The following COL23A1 variants were observed in gnomAD, a reference collection of about 807,000 sequenced individuals.
COL23A1 encodes collagen alpha-1(XXIII) chain.
COL23A1 carries 97 observed loss-of-function variants against 99.3 expected under a neutral mutation model. The ratio of observed to expected loss-of-function variants is 0.98; its 90% CI spans 0.83 to 1.16. The LOEUF is 1.16. Among genes scored for constraint, COL23A1 ranks in the 50% most tolerant of loss-of-function variants. The pLI, the probability that COL23A1 is intolerant of heterozygous loss-of-function variation, is 0.00. For missense variants in COL23A1, 762 were observed against 757.4 expected (o/e 1.01, Z -0.07); for synonymous variants, 320 against 308.2 (o/e 1.04, Z -0.40).
chr5:178,262,349 C>A (rs115296711), intron 9 of COL23A1, 97 bp from the exon 10 acceptor site: 20,048 of 1,166,848 alleles, frequency 0.017, 266 homozygotes, highest in East Asian at 0.042. Flanking sequence ...GCTCTAAGTA[C>A]ATTATCTTAT....
intron 2 of COL23A1, among the ~76,000 whole-genome samples, chr5:178,320,976 T>C (rs1442221301): frequency 2.0e-5 from 3 of 152,208 alleles, no homozygotes; most frequent in African/African-American, 7.2e-5. Context: ...GTCCTTGCCC[T>C]GAGAGGGCAG....
rs77282168 is a variant in COL23A1, at chr5:178,287,836, G to A, written c.441+488C>T. ...CTGCTGACGTGGTGCTCACTTGGCC[G>A]GGGCTAGGACATCTATCCCAGGAAT... is the stretch of plus-strand genomic sequence containing the variant. On this transcript the variant is annotated intron_variant, in intron 5 of 28. Transcript: ENST00000390654. Among the ~76,000 whole-genome samples, 397 of 152,342 alleles carry A rather than the reference G, an allele frequency of 2.6e-3. 3 individuals are homozygous for A. The highest frequency in any genetic ancestry group is 8.9e-3 in the African/African-American group (371 of 41,578).
At chr5:178,294,107 G>A (rs563618929) in intron 3 of COL23A1, among the ~76,000 whole-genome samples, 95 of 152,136 alleles carry the variant, frequency 6.2e-4, no homozygotes, top group Admixed American at 2.7e-3. Flanking sequence ...TCCCATTCTG[G>A]GGCCAGGGTC....
At chr5:178,378,655 G>A (rs560904900) in intron 2 of COL23A1, among the ~76,000 whole-genome samples, 24 of 152,264 alleles carry the variant, frequency 1.6e-4, no homozygotes, top group African/African-American at 5.1e-4. Context: ...GGGTGGGGCC[G>A]GGCAGTTTGC....
intron 2 of COL23A1, among the ~76,000 whole-genome samples, chr5:178,541,828 C>G (rs765680939): frequency 2.1e-4 from 32 of 152,136 alleles, no homozygotes; most frequent in Non-Finnish European, 3.2e-4. Context: ...ATTGCAGACA[C>G]AAGAATCCAT....
chr5:178,371,603 A>G (rs931997590), intron 2 of COL23A1, among the ~76,000 whole-genome samples: 1 of 152,124 alleles, frequency 6.6e-6, no homozygotes, highest in Non-Finnish European at 1.5e-5. Context: ...CCTGGGCCAA[A>G]TGACCTTTGT....
In COL23A1 at chr5:178,439,833, T is replaced by G. The variant is rs1254981317; in HGVS notation, c.361+120849A>C. 4 of 152,206 alleles carry G rather than the reference T, an allele frequency of 2.6e-5. No homozygotes were observed. The highest frequency in any genetic ancestry group is 4.4e-5 in the Non-Finnish European group (3 of 68,046). 9.4% of individuals were successfully genotyped at this position (152,206 alleles called of 1,614,324 possible). Reference sequence around the variant, plus strand: ...CATCTGGCAAATGGAGAAACTACAGTGTAGCCAATCAATGGAATACCACTA... The same window carrying G: ...CATCTGGCAAATGGAGAAACTACAGGGTAGCCAATCAATGGAATACCACTA... On this transcript the variant is annotated intron_variant, in intron 2 of 28. Transcript: ENST00000390654. This position sits in a 1 kb window ranked among gnomAD's most constrained non-coding sequence, Gnocchi z 4.2.
At chr5:178,491,387 C>G (rs1472151841) in intron 2 of COL23A1, among the ~76,000 whole-genome samples, 2 of 152,142 alleles carry the variant, frequency 1.3e-5, no homozygotes, top group Non-Finnish European at 2.9e-5. Flanking sequence ...TGAGCTCACT[C>G]CCAGGACAAT....
intron 2 of COL23A1, among the ~76,000 whole-genome samples, chr5:178,500,554 A>G (rs1289859209): frequency 2.0e-5 from 3 of 151,614 alleles, no homozygotes; most frequent in Admixed American, 6.6e-5. Flanking sequence ...GTAGTGAGCC[A>G]TGATTGCACC....
chr5:178,267,836 AG>A (rs1163846828), intron 7 of COL23A1, among the ~76,000 whole-genome samples: 1 of 152,242 alleles, frequency 6.6e-6, no homozygotes, highest in East Asian at 1.9e-4. Flanking sequence ...CAACTGCACT[AG>A]TCTCTTCATT....
chr5:178,459,437 T>C (rs532082072), intron 2 of COL23A1, among the ~76,000 whole-genome samples: 1 of 152,342 alleles, frequency 6.6e-6, no homozygotes, highest in Non-Finnish European at 1.5e-5. Context: ...CACATCATTC[T>C]ACTTTCGTAC....
chr5:178,492,389 A>G (rs916265816), intron 2 of COL23A1, among the ~76,000 whole-genome samples: 5 of 152,114 alleles, frequency 3.3e-5, no homozygotes, highest in African/African-American at 1.2e-4. Flanking sequence ...CACAGAGGGA[A>G]GGCCGTGTGA....
rs139904347 is a variant in COL23A1 at position 178,580,357 on chromosome 5, G to C, written c.294+9547C>G. 1.3e-4 allele frequency among the ~76,000 whole-genome samples: 19 copies of C among 151,324 alleles called. No individual in the cohort carries two copies. The East Asian group carries it at 3.3e-3, about 26-fold the overall frequency. On this transcript the variant is annotated intron_variant, in intron 1 of 28. Coordinates refer to ENST00000390654, the MANE Select transcript of COL23A1 (RefSeq NM_173465.4). ...AAAAAAAAAAGAAAGAAAGAAACTA[G>C]AGGACATGTGAATCCTCTGCCCAGG...
intron 2 of COL23A1, among the ~76,000 whole-genome samples, chr5:178,523,950 C>A (rs2113111180): frequency 6.6e-6 from 1 of 152,280 alleles, no homozygotes; most frequent in South Asian, 2.1e-4. Flanking sequence ...CTATCTACGA[C>A]CCTTCCTTTT....
intron 1 of COL23A1, among the ~76,000 whole-genome samples, chr5:178,585,076 G>A (rs1279357206): frequency 2.0e-5 from 3 of 152,176 alleles, no homozygotes; most frequent in Admixed American, 1.3e-4. Flanking sequence ...CCCTTCAGCT[G>A]TGGCCGGCAG....
In COL23A1 at chr5:178,375,813, T is replaced by C. The variant is rs1561916450; in HGVS notation, c.362-68894A>G. Among the ~76,000 whole-genome samples the C allele has an allele frequency of 2.0e-5, 3 of 152,314 alleles. No individual in the cohort carries two copies. In the South Asian group the frequency reaches 6.2e-4, roughly 32 times the overall value. On this transcript the variant is annotated intron_variant, in intron 2 of 28. Coordinates refer to ENST00000390654, the MANE Select transcript of COL23A1 (RefSeq NM_173465.4). Reference sequence around the variant, plus strand: ...ACCTCCGCCTCCCAGGTTCAAGTGATTCTTCTGCCTCAGTCTCCCGAGTAG... The same window carrying C: ...ACCTCCGCCTCCCAGGTTCAAGTGACTCTTCTGCCTCAGTCTCCCGAGTAG...
intron 2 of COL23A1, among the ~76,000 whole-genome samples, chr5:178,455,563 C>T (rs143264036): frequency 3.0e-4 from 46 of 152,286 alleles, no homozygotes; most frequent in East Asian, 1.9e-3. Context: ...CACCATCCAC[C>T]CAGCTGACCA....
chr5:178,577,177 C>T (rs1763417005), intron 1 of COL23A1, among the ~76,000 whole-genome samples: 2 of 152,180 alleles, frequency 1.3e-5, no homozygotes, highest in South Asian at 2.1e-4. Flanking sequence ...GGGGATCCCG[C>T]GGGTGGTCCG....
intron 2 of COL23A1, among the ~76,000 whole-genome samples, chr5:178,501,302 G>A (rs749369331): frequency 6.6e-6 from 1 of 152,198 alleles, no homozygotes; most frequent in African/African-American, 2.4e-5. Context: ...GCCCCAACAG[G>A]CCGGGCACAG....
Sources: allele counts gnomAD v4.1 joint callset (sites outside exome capture counted in the v4.1 genomes callset), GRCh38; gene constraint gnomAD v4.1.1; non-coding constraint Gnocchi (gnomAD v3.1); transcripts MANE v1.5; gene names NCBI Gene and HGNC (gene_info 2026-07-23, HGNC 2026-07-21).